The following ECE1 variants were observed in gnomAD, a reference collection of about 807,000 sequenced individuals.
The protein encoded by ECE1 is endothelin converting enzyme 1, also known as endothelin-converting enzyme 1.
ECE1 carries 35 observed loss-of-function variants against 98.6 expected under a neutral mutation model. The observed-to-expected ratio is 0.35, with a 90% CI of 0.27 to 0.47. ECE1 has a LOEUF of 0.47. Among genes scored for constraint, ECE1 ranks in the 20% least tolerant of loss-of-function variants. ECE1 has a pLI of 1.00. For missense variants in ECE1, 814 were observed against 1,025.3 expected, an observed-to-expected ratio of 0.79 and a Z score of 2.81; for synonymous variants, 394 against 407.1, an observed-to-expected ratio of 0.97 and a Z score of 0.39.
At chr1:21,236,915 C>G in intron 11 of ECE1, 71 bp from the exon 12 acceptor site, 1 of 1,356,378 alleles carries the variant, frequency 7.4e-7, no homozygotes, top group Non-Finnish European at 1.1e-6. Context: ...GCACCCCGTG[C>G]AGAACAATGA....
At chr1:21,240,039 C>T (rs767356351) in intron 10 of ECE1, among the ~76,000 whole-genome samples, 45 of 151,978 alleles carry the variant, frequency 3.0e-4, no homozygotes, top group Non-Finnish European at 6.2e-4. Flanking sequence ...GGCGTGGTGG[C>T]ACATGCCTGT....
rs185424269 is a variant in ECE1, at chr1:21,225,260, G to A, written c.2030C>T (p.Ala677Val). ...ENIADNGGLK[A>V]AYRAYQNWVK... Reference sequence around the variant, plus strand: ...GAGCGGGGCTCTCACCCGATAGGCCGCCTTGAGACCCCCGTTGTCGGCGAT... The same window carrying A: ...GAGCGGGGCTCTCACCCGATAGGCCACCTTGAGACCCCCGTTGTCGGCGAT... The change falls in exon 17 of 19, where the codon GCG (alanine) becomes GTG (valine). Residue 677 changes from alanine (A) to valine (V), a missense_variant. By Grantham distance (64) the Ala-to-Val change is moderately conservative. Coordinates refer to ENST00000374893, the MANE Select transcript of ECE1 (RefSeq NM_001397.3). This position sits in a 1 kb window ranked among gnomAD's most constrained non-coding sequence, Gnocchi z 5.3. 1.2e-4 allele frequency: 194 copies of A among 1,614,052 alleles called. No individual in the cohort carries two copies. Among genetic ancestry groups the A allele is most frequent in the Non-Finnish European group, 1.6e-4 (188 of 1,180,030 alleles).
At chr1:21,279,685 G>A (rs1369491430) in intron 2 of ECE1, 8 of 1,395,740 alleles carry the variant, frequency 5.7e-6, no homozygotes, top group African/African-American at 4.3e-5. Flanking sequence ...GGCATCCAGT[G>A]AGTACCCAGC....
At chr1:21,274,645 C>T (rs1329817668) in intron 3 of ECE1, among the ~76,000 whole-genome samples, 1 of 152,120 alleles carries the variant, frequency 6.6e-6, no homozygotes, top group African/African-American at 2.4e-5. Context: ...CACTCAGGAA[C>T]ATAAGGCCAG....
intron 4 of ECE1, among the ~76,000 whole-genome samples, chr1:21,262,869 C>A (rs963405466): frequency 1.1e-4 from 17 of 152,224 alleles, no homozygotes; most frequent in Admixed American, 1.3e-4. Flanking sequence ...ACATTGTTTA[C>A]AAAGTTCCTT....
At chr1:21,299,035 C>G in intron 1 of ECE1, 1 of 368,876 alleles carries the variant, frequency 2.7e-6, no homozygotes, top group Non-Finnish European at 5.4e-6. Flanking sequence ...AAGTCCCAAT[C>G]TGAAGAGACC....
chr1:21,342,048 C>G (rs1639409362), intron 1 of ECE1, among the ~76,000 whole-genome samples: 1 of 152,126 alleles, frequency 6.6e-6, no homozygotes, highest in South Asian at 2.1e-4. Flanking sequence ...GGGCACAGAG[C>G]CGGGGAATGG....
chr1:21,271,988 C>T (rs985448199), intron 4 of ECE1, among the ~76,000 whole-genome samples: 1 of 151,896 alleles, frequency 6.6e-6, no homozygotes, highest in African/African-American at 2.4e-5. Flanking sequence ...TTGCTCATAA[C>T]TTTCAAAACT....
At chr1:21,236,996 A>G in intron 11 of ECE1, 152 bp from the exon 12 acceptor site, 1 of 775,454 alleles carries the variant, frequency 1.3e-6, no homozygotes, top group Non-Finnish European at 2.3e-6. Flanking sequence ...TGTGCTTCCA[A>G]ACCACGCTCC....
At chr1:21,320,289 C>G (rs1198528655) in intron 1 of ECE1, among the ~76,000 whole-genome samples, 1 of 152,208 alleles carries the variant, frequency 6.6e-6, no homozygotes, top group Non-Finnish European at 1.5e-5. Flanking sequence ...CCGGACTTCT[C>G]ATTTATAAAA....
At chr1:21,247,939 G>A (rs1481965314) in intron 8 of ECE1, among the ~76,000 whole-genome samples, 1 of 152,192 alleles carries the variant, frequency 6.6e-6, no homozygotes, top group Admixed American at 6.5e-5. Context: ...TTATTTGTGA[G>A]GACTGAACAA....
Position 21,272,774 on chromosome 1 carries a change from G to A in ECE1, c.418C>T (p.Pro140Ser). Residue 140 changes from proline (P) to serine (S), a missense_variant, in exon 4 of 19, where the codon CCT becomes TCT. Pro to Ser is a moderately conservative substitution (Grantham distance 74). Around this residue, in one of 3 missense-constraint regions of ECE1, gnomAD observed 257 missense variants for 278.9 expected, o/e 0.92. Transcript: ENST00000374893. ...GTCCCCCAGCGTGAGTGGCCATCAG[G>A]GACTGGGTTGGCCTTGATCCAGCCC... ...CGGWIKANPVPDGHSRWGTFS... is the reference protein window; with the variant it reads ...CGGWIKANPVSDGHSRWGTFS... 2 of 1,614,270 alleles carry A rather than the reference G, an allele frequency of 1.2e-6. No homozygotes were observed. The highest frequency in any genetic ancestry group is 2.2e-5 in the East Asian group (1 of 44,890).
rs372050311 is a variant in ECE1, at chr1:21,256,084, C to A, written c.883G>T (p.Gly295Trp). The A allele has an allele frequency of 1.9e-6, 3 of 1,609,932 alleles. No individual in the cohort carries two copies. In the South Asian group the frequency reaches 3.3e-5, roughly 18 times the overall value. The change falls in exon 8 of 19, where the codon GGG (glycine) becomes TGG (tryptophan). Residue 295 changes from glycine to tryptophan, a missense_variant. Physicochemically the swap from Gly to Trp is radical, Grantham distance 184. Around this residue, in one of 3 missense-constraint regions of ECE1, gnomAD observed 105 missense variants for 179.1 expected, o/e 0.59. Transcript: ENST00000374893. ...TGGGGCCGGATGGCCTCCTCGTCCC[C>A]GCCGCCCAGCAGCTTCCCCAGCTGG... is the stretch of plus-strand genomic sequence containing the variant. ...MVQLGKLLGGGDEEAIRPQMQ... is the reference protein window; with the variant it reads ...MVQLGKLLGGWDEEAIRPQMQ...
chr1:21,229,700 CAAA>C (rs2098179287), intron 14 of ECE1, among the ~76,000 whole-genome samples: 1 of 152,148 alleles, frequency 6.6e-6, no homozygotes, highest in Non-Finnish European at 1.5e-5. Context: ...GTGATATTAA[CAAA>C]TGTGGATTTT....
At chr1:21,289,936 T>C (rs1220964638) in intron 2 of ECE1, 134 bp downstream of exon 2, 1 of 1,112,526 alleles carries the variant, frequency 9.0e-7, no homozygotes. Flanking sequence ...GCGCGGCCCC[T>C]CCCGGATGCC....
intron 4 of ECE1, among the ~76,000 whole-genome samples, chr1:21,261,903 G>A (rs911350209): frequency 6.6e-6 from 1 of 152,206 alleles, no homozygotes; most frequent in Non-Finnish European, 1.5e-5. Flanking sequence ...GGGGACAAGC[G>A]GGGATGCCTG....
Position 21,225,158 on chromosome 1 carries a change from C to T in ECE1, c.2040+92G>A. 1 of 1,528,366 alleles carries T rather than the reference C, an allele frequency of 6.5e-7. No homozygotes were observed. Among genetic ancestry groups the T allele is most frequent in the Non-Finnish European group, 8.9e-7 (1 of 1,119,838 alleles). 94.7% of individuals were successfully genotyped at this position (1,528,366 alleles called of 1,614,324 possible). On this transcript the variant is annotated intron_variant, in intron 17 of 18. Coordinates refer to ENST00000374893, the MANE Select transcript of ECE1 (RefSeq NM_001397.3). The surrounding 1 kb of genome is among the most constrained non-coding windows in gnomAD (Gnocchi z 5.3). ...ACGGAAGCTCGCACGGCTGCTGCGCCTGCCCTGGTTGTCCGTGATGATCCT... is the reference window on the plus strand; with the variant it reads ...ACGGAAGCTCGCACGGCTGCTGCGCTTGCCCTGGTTGTCCGTGATGATCCT...
intron 17 of ECE1, among the ~76,000 whole-genome samples, chr1:21,223,299 A>T (rs2098169789): frequency 1.4e-5 from 2 of 144,062 alleles, no homozygotes; most frequent in Admixed American, 1.4e-4. Context: ...TTATTTATTT[A>T]TTTTTTTGAA....
rs1639102539 is a variant in ECE1, at chr1:21,327,341, T to A, written c.3+18035A>T. Reference sequence around the variant, plus strand: ...AACCTTTCTGGGCTCTGTTTTCTCATTTGTCAAAGCGACGGGCTGATCCCC... The same window carrying A: ...AACCTTTCTGGGCTCTGTTTTCTCAATTGTCAAAGCGACGGGCTGATCCCC... On this transcript the variant is annotated intron_variant, in intron 1 of 18. Coordinates refer to the ECE1 transcript ENST00000415912. This position sits in a 1 kb window ranked among gnomAD's most constrained non-coding sequence, Gnocchi z 4.6. 6.6e-6 allele frequency among the ~76,000 whole-genome samples: 1 copy of A among 152,146 alleles called. No individual in the cohort carries two copies. Among genetic ancestry groups the A allele is most frequent in the African/African-American group, 2.4e-5 (1 of 41,434 alleles).
Sources: gnomAD v4.1 joint callset for allele counts (sites outside exome capture counted in the v4.1 genomes callset) on GRCh38, gnomAD v4.1.1 for gene constraint, gnomAD v4.1.1 regional missense constraint, Gnocchi (gnomAD v3.1) non-coding constraint, MANE v1.5 for transcripts, NCBI Gene and HGNC (gene_info 2026-07-23, HGNC 2026-07-21) for gene names.